MAP1LC3A: variants seen among roughly 807,000 people sequenced by gnomAD.
MAP1LC3A encodes the protein microtubule-associated protein 1 light chain 3 alpha.
In MAP1LC3A, 10 loss-of-function variants were observed where a neutral mutation model predicts 15.2. The observed-to-expected ratio is 0.66, with a 90% CI of 0.41 to 1.12. The LOEUF (loss-of-function observed/expected upper bound fraction) is 1.12. MAP1LC3A is among the 50% of genes most tolerant of loss of function. MAP1LC3A has a pLI of 0.00. For synonymous variants in MAP1LC3A, 63 were observed against 64.3 expected, an observed-to-expected ratio of 0.98 and a Z score of 0.10; for missense variants, 138 against 167.3, an observed-to-expected ratio of 0.82 and a Z score of 0.97.
intron 1 of MAP1LC3A, 55 bp from the exon 2 acceptor site, chr20:34,559,153 C>G (rs1358531269): frequency 1.4e-6 from 2 of 1,471,968 alleles, no homozygotes; most frequent in Non-Finnish European, 1.8e-6. Context: ...CCGGGACAGG[C>G]GGGGCGGACC....
upstream of MAP1LC3A, chr20:34,558,203 C>T (rs1050731517): frequency 1.0e-6 from 1 of 974,722 alleles, no homozygotes; most frequent in African/African-American, 1.8e-5. The surrounding 1 kb of genome is among the most constrained non-coding windows in gnomAD (Gnocchi z 4.3). Flanking sequence ...CTCACCTCAT[C>T]CTCTGAGACC....
intron 2 of MAP1LC3A, among the ~76,000 whole-genome samples, chr20:34,552,910 C>T (rs941270485): frequency 3.3e-5 from 5 of 152,176 alleles, no homozygotes; most frequent in African/African-American, 1.2e-4. Flanking sequence ...CTGAGGAGGC[C>T]GGGCACAATG....
upstream of MAP1LC3A, among the ~76,000 whole-genome samples, chr20:34,554,354 G>T (rs1395840554): frequency 8.5e-5 from 9 of 106,186 alleles, no homozygotes; most frequent in East Asian, 2.0e-3. Context: ...TATACGTTGG[G>T]TTTTTTTTTT....
chr20:34,554,331 A>C (rs1323050772), upstream of MAP1LC3A, among the ~76,000 whole-genome samples: 1 of 143,394 alleles, frequency 7.0e-6, no homozygotes, highest in Non-Finnish European at 1.5e-5. Context: ...TTTACCTTTA[A>C]GTACATGTTT....
chr20:34,556,142 A>G (rs1982150959), upstream of MAP1LC3A, among the ~76,000 whole-genome samples: 2 of 152,142 alleles, frequency 1.3e-5, no homozygotes, highest in African/African-American at 2.4e-5. Flanking sequence ...GCGCCCGGCC[A>G]CCAAGTTTTC....
At chr20:34,554,519 A>G (rs547584268), upstream of MAP1LC3A, among the ~76,000 whole-genome samples, 1 of 150,232 alleles carries the variant, frequency 6.7e-6, no homozygotes, top group South Asian at 2.1e-4. Context: ...GACTACAGGC[A>G]TGCACCACCA....
At chr20:34,557,134 G>A (rs1453014858), upstream of MAP1LC3A, among the ~76,000 whole-genome samples, 4 of 152,128 alleles carry the variant, frequency 2.6e-5, no homozygotes, top group Non-Finnish European at 5.9e-5. Context: ...ATTTCCTCTT[G>A]TAAATAGCAT....
intron 3 of MAP1LC3A, 74 bp downstream of exon 3, chr20:34,559,527 A>T: frequency 1.4e-6 from 2 of 1,399,234 alleles, no homozygotes; most frequent in Non-Finnish European, 2.0e-6. Flanking sequence ...AAGGGGTGGG[A>T]GTGGGGTCAG....
In MAP1LC3A at chr20:34,547,138, G is replaced by A. The variant is rs565472055; in HGVS notation, c.-74+222G>A. Reference sequence around the variant, plus strand: ...AGGGAAGGTGCCTCGCAGGAGAGGAGAGAAAACATACACTTCCCTGGGGAC... The same window carrying A: ...AGGGAAGGTGCCTCGCAGGAGAGGAAAGAAAACATACACTTCCCTGGGGAC... On this transcript the variant is annotated intron_variant, in intron 1 of 4. Coordinates refer to the MAP1LC3A transcript ENST00000374837. Among the ~76,000 whole-genome samples the A allele has an allele frequency of 3.3e-5, 5 of 152,296 alleles. No individual in the cohort carries two copies. The East Asian group carries it at 9.6e-4, about 29-fold the overall frequency.
At chr20:34,556,423 C>T (rs1284033207), upstream of MAP1LC3A, among the ~76,000 whole-genome samples, 6 of 151,912 alleles carry the variant, frequency 3.9e-5, no homozygotes, top group African/African-American at 1.4e-4. Flanking sequence ...AGTTAAAAAA[C>T]TAACTGTCAG....
upstream of MAP1LC3A, chr20:34,558,699 G>T: frequency 7.8e-7 from 1 of 1,279,580 alleles, no homozygotes; most frequent in Non-Finnish European, 9.9e-7. This position sits in a 1 kb window ranked among gnomAD's most constrained non-coding sequence, Gnocchi z 4.3. Flanking sequence ...TTTAAGGAAT[G>T]TTGTGACCTG....
At chr20:34,557,147 A>C (rs1245681486), upstream of MAP1LC3A, among the ~76,000 whole-genome samples, 1 of 152,094 alleles carries the variant, frequency 6.6e-6, no homozygotes, top group African/African-American at 2.4e-5. Flanking sequence ...AATAGCATAG[A>C]GCTGCATCTT....
In MAP1LC3A at chr20:34,550,589, A is replaced by G. The variant is rs551514810; in HGVS notation, c.52+560A>G. Among the ~76,000 whole-genome samples, 6 of 152,256 alleles carry G rather than the reference A, an allele frequency of 3.9e-5. No individual in the cohort carries two copies. In the East Asian group the frequency reaches 1.2e-3, roughly 29 times the overall value. ...AAATGTAAAACCACAGTGAGATACCACTACACACCCGCCAAAATGGCGAAA... is the reference window on the plus strand; with the variant it reads ...AAATGTAAAACCACAGTGAGATACCGCTACACACCCGCCAAAATGGCGAAA... On this transcript the variant is annotated intron_variant, in intron 2 of 4. Coordinates refer to the MAP1LC3A transcript ENST00000374837.
At chr20:34,552,067 G>A (rs983847779) in intron 2 of MAP1LC3A, among the ~76,000 whole-genome samples, 38 of 152,072 alleles carry the variant, frequency 2.5e-4, no homozygotes, top group Admixed American at 1.8e-3. Context: ...GTGCGATCTC[G>A]GCTCACTGCA....
At chr20:34,555,999 C>T (rs577057932), upstream of MAP1LC3A, among the ~76,000 whole-genome samples, 9 of 152,120 alleles carry the variant, frequency 5.9e-5, no homozygotes, top group East Asian at 5.8e-4. Flanking sequence ...CCCGCCACCA[C>T]GCCCAGCTAA....
intron 1 of MAP1LC3A, among the ~76,000 whole-genome samples, chr20:34,548,550 C>T (rs2146668281): frequency 6.6e-6 from 1 of 152,272 alleles, no homozygotes; most frequent in Non-Finnish European, 1.5e-5. Flanking sequence ...GTCTGAGGCC[C>T]TGCATGGGCT....
At chr20:34,554,354 GTTTTTTTTTTTTTTTTTTTTTTTTTT>G (rs537779341), upstream of MAP1LC3A, among the ~76,000 whole-genome samples, 5 of 106,186 alleles carry the variant, frequency 4.7e-5, no homozygotes, top group Admixed American at 1.2e-4. Flanking sequence ...TATACGTTGG[GTTTTTTTTTTTTTTTTTTTTTTTTTT>G]TTTTTTTTTT....
intron 2 of MAP1LC3A, chr20:34,550,169 T>C (rs1981894310): frequency 1.3e-6 from 1 of 743,084 alleles, no homozygotes; most frequent in South Asian, 1.6e-5. Context: ...CCACTTTTTC[T>C]CAGGCCCATG....
chr20:34,555,363 T>A (rs1009971707), upstream of MAP1LC3A, among the ~76,000 whole-genome samples: 3 of 152,176 alleles, frequency 2.0e-5, no homozygotes, highest in African/African-American at 7.2e-5. Context: ...CAGGCTGGTC[T>A]CGAACTCCTG....
Sources: allele counts gnomAD v4.1 joint callset (sites outside exome capture counted in the v4.1 genomes callset), GRCh38; gene constraint gnomAD v4.1.1; non-coding constraint Gnocchi (gnomAD v3.1); transcripts MANE v1.5; gene names NCBI Gene and HGNC (gene_info 2026-07-23, HGNC 2026-07-21).